The following DBN1 variants were observed in gnomAD, a reference collection of about 807,000 sequenced individuals.
DBN1 encodes the protein drebrin.
DBN1 carries 21 observed loss-of-function variants against 83.5 expected under a neutral mutation model. The observed-to-expected ratio is 0.25, with a 90% CI of 0.18 to 0.36. DBN1 has a LOEUF of 0.36. Among genes scored for constraint, DBN1 ranks in the 10% least tolerant of loss-of-function variants. DBN1 has a pLI of 1.00. For missense variants in DBN1, 874 were observed against 935.7 expected (o/e 0.93, Z 0.86); for synonymous variants, 381 against 384.9 (o/e 0.99, Z 0.12).
intron 1 of DBN1, 66 bp from the exon 2 acceptor site, chr5:177,468,965 G>T: frequency 9.5e-7 from 1 of 1,049,112 alleles, no homozygotes; most frequent in Non-Finnish European, 1.3e-6. Context: ...GGTGGGGACG[G>T]CTCTGGGGAG....
intron 10 of DBN1, among the ~76,000 whole-genome samples, chr5:177,460,089 G>A (rs538547554): frequency 7.2e-5 from 11 of 152,318 alleles, no homozygotes; most frequent in Admixed American, 2.6e-4. Flanking sequence ...CCTCAGGCCC[G>A]GGGCAAGAGC....
chr5:177,469,521 T>TCGCC (rs1757699022), intron 1 of DBN1, among the ~76,000 whole-genome samples: 1 of 152,196 alleles, frequency 6.6e-6, no homozygotes. Context: ...GCAGTCACTC[T>TCGCC]CGCCCAGACT....
At chr5:177,460,363 G>C (rs1042764064) in intron 10 of DBN1, 69 bp downstream of exon 10, 1 of 1,605,432 alleles carries the variant, frequency 6.2e-7, no homozygotes, top group African/African-American at 1.3e-5. Flanking sequence ...CCTTCTGAGA[G>C]AGTCCCAGAG....
Position 177,464,460 on chromosome 5 carries a change from A to T in DBN1, c.771+2312T>A, listed in dbSNP as rs11746112. 1.2e-4 allele frequency among the ~76,000 whole-genome samples: 18 copies of T among 150,744 alleles called. No homozygotes were observed. The East Asian group carries it at 3.3e-3, about 28-fold the overall frequency. On this transcript the variant is annotated intron_variant, in intron 8 of 14. Transcript: ENST00000393565. ...GACTCTGTCTCAAAAAAATAAAAAT[A>T]AATAAATAAATAAACTTGGCTGGGT...
chr5:177,462,359 G>A (rs1161419246), intron 8 of DBN1: 5 of 985,452 alleles, frequency 5.1e-6, no homozygotes, highest in Non-Finnish European at 6.0e-6. Flanking sequence ...CCCACCCGGG[G>A]GCCAGGCCCT....
intron 13 of DBN1, 91 bp downstream of exon 13, chr5:177,457,967 G>A (rs375549389): frequency 6.5e-7 from 1 of 1,544,088 alleles, no homozygotes; most frequent in African/African-American, 1.4e-5. Flanking sequence ...CAGAGAAGGG[G>A]GTACTGGTGC....
intron 13 of DBN1, 128 bp from the exon 14 acceptor site, chr5:177,457,885 C>T (rs1343596527): frequency 9.3e-7 from 1 of 1,075,284 alleles, no homozygotes. Flanking sequence ...AGGATGCCTG[C>T]CTTGGGAACA....
chr5:177,457,812 C>A (rs543760878), intron 13 of DBN1, 55 bp from the exon 14 acceptor site: 2 of 1,242,978 alleles, frequency 1.6e-6, no homozygotes, highest in African/African-American at 3.0e-5. Flanking sequence ...TGGGGCTGAC[C>A]TATCAGGCCT....
intron 1 of DBN1, chr5:177,472,051 G>A: frequency 6.6e-7 from 1 of 1,525,080 alleles, no homozygotes; most frequent in Non-Finnish European, 8.8e-7. Flanking sequence ...AGCCCCCCTG[G>A]GGCAGGGCTG....
intron 10 of DBN1, 83 bp from the exon 11 acceptor site, chr5:177,459,823 C>T (rs1756881691): frequency 7.3e-7 from 1 of 1,368,878 alleles, no homozygotes; most frequent in Admixed American, 3.2e-5. Context: ...CCTCTCCCGC[C>T]CCCAGGGCCT....
In DBN1 at chr5:177,467,976, C is replaced by T. The variant is rs878919929; in HGVS notation, c.255+132G>A. 8.2e-7 allele frequency: 1 copy of T among 1,220,802 alleles called. No homozygotes were observed. Among genetic ancestry groups the T allele is most frequent in the Admixed American group, 1.8e-5 (1 of 57,104 alleles). 75.6% of individuals were successfully genotyped at this position (1,220,802 alleles called of 1,614,324 possible). On this transcript the variant is annotated intron_variant, in intron 3 of 14. Transcript: ENST00000393565. The surrounding 1 kb of genome is among the most constrained non-coding windows in gnomAD (Gnocchi z 9.1). The stretch of plus-strand genomic sequence containing the variant: ...ACTGCTCTGGGCCTTCAGTTCCCTT[C>T]CCCAGCCCCGGCCGCATACCCAGTT...
At chr5:177,468,015 GGGCCC>G in intron 3 of DBN1, 88 bp downstream of exon 3, 41 of 740,716 alleles carry the variant, frequency 5.5e-5, no homozygotes, top group Non-Finnish European at 7.1e-5. Context: ...GAGCAGCTCT[GGGCCC>G]TCAGCCCCCT....
chr5:177,464,655 T>C (rs1757294308), intron 8 of DBN1, among the ~76,000 whole-genome samples: 1 of 146,144 alleles, frequency 6.8e-6, no homozygotes, highest in Non-Finnish European at 1.5e-5. Flanking sequence ...ATAATAAACT[T>C]TATCTGCTGG....
intron 1 of DBN1, chr5:177,472,820 G>C (rs1011182663): frequency 4.1e-6 from 4 of 986,116 alleles, no homozygotes; most frequent in African/African-American, 1.7e-5. Context: ...GTCACTTCGC[G>C]GTCGCCATGT....
In DBN1 at chr5:177,467,696, C is replaced by G. The variant is rs1393677866; in HGVS notation, c.330+47G>C. Reference sequence around the variant, plus strand: ...GCCATCCCCACCCCAGCACGCAGACCCTGGTGGCTGTCCCCACCCCCAAGA... The same window carrying G: ...GCCATCCCCACCCCAGCACGCAGACGCTGGTGGCTGTCCCCACCCCCAAGA... On this transcript the variant is annotated intron_variant, in intron 4 of 14. Coordinates refer to ENST00000393565, the MANE Select transcript of DBN1 (RefSeq NM_001363541.2). This position sits in a 1 kb window ranked among gnomAD's most constrained non-coding sequence, Gnocchi z 9.1. The G allele has an allele frequency of 1.3e-6, 2 of 1,553,262 alleles. No individual in the cohort carries two copies. Among genetic ancestry groups the G allele is most frequent in the South Asian group, 1.2e-5 (1 of 84,366 alleles).
At position 177,467,395 on chromosome 5, in the gene DBN1, G is replaced by A; in HGVS notation, c.478-63C>T. The A allele has an allele frequency of 1.2e-6, 2 of 1,613,624 alleles. No homozygotes were observed. The highest frequency in any genetic ancestry group is 1.1e-5 in the South Asian group (1 of 91,046). On this transcript the variant is annotated intron_variant, in intron 5 of 14. Coordinates refer to ENST00000393565, the MANE Select transcript of DBN1 (RefSeq NM_001363541.2). The surrounding 1 kb of genome is among the most constrained non-coding windows in gnomAD (Gnocchi z 9.1). ...GCCCCAGGAACCCCCGACACCTAAA[G>A]GGTGAGAGCTAAGAGGGACCGGGCA...
At chr5:177,459,784 G>C in intron 10 of DBN1, 44 bp from the exon 11 acceptor site, 2 of 1,420,924 alleles carry the variant, frequency 1.4e-6, no homozygotes, top group Non-Finnish European at 1.9e-6. Flanking sequence ...GGACAAGAGA[G>C]GGTCAGTCTC....
intron 1 of DBN1, chr5:177,472,304 A>G: frequency 6.4e-7 from 1 of 1,562,422 alleles, no homozygotes; most frequent in Non-Finnish European, 8.6e-7. Flanking sequence ...GGTCCCTCAG[A>G]CCTGCCCTCC....
At chr5:177,464,272 CCTGT>C (rs956369751) in intron 8 of DBN1, among the ~76,000 whole-genome samples, 2 of 150,552 alleles carry the variant, frequency 1.3e-5, no homozygotes, top group African/African-American at 4.9e-5. Context: ...ACGGTGAAAC[CCTGT>C]CTCTACTAAA....
Sources: allele counts gnomAD v4.1 joint callset (sites outside exome capture counted in the v4.1 genomes callset), GRCh38; gene constraint gnomAD v4.1.1; non-coding constraint Gnocchi (gnomAD v3.1); transcripts MANE v1.5; gene names NCBI Gene and HGNC (gene_info 2026-07-23, HGNC 2026-07-21).